Variants in PCDH11X observed in about 807,000 individuals in gnomAD.
PCDH11X encodes protocadherin-11 X-linked.
In PCDH11X, 18 loss-of-function variants were observed where a neutral mutation model predicts 53.3. The ratio of observed to expected loss-of-function variants is 0.34; its 90% CI spans 0.23 to 0.50. The LOEUF is 0.50. Among genes scored for constraint, PCDH11X ranks in the 20% least tolerant of loss-of-function variants. PCDH11X has a pLI of 0.98. For synonymous variants in PCDH11X, 279 were observed against 393.3 expected (o/e 0.71, Z 3.44); for missense variants, 570 against 1,032.4 (o/e 0.55, Z 6.14).
chrX:91,825,460 T>G (rs1341885759), intron 4 of PCDH11X, among the ~76,000 whole-genome samples: 1 of 111,776 alleles, frequency 8.9e-6, no homozygotes, highest in African/African-American at 3.3e-5. Flanking sequence ...CGTCACCCCT[T>G]TCTTTGATTA....
chrX:92,275,317 A>G (rs191596042), intron 8 of PCDH11X, among the ~76,000 whole-genome samples: 2 of 101,936 alleles, frequency 2.0e-5, no homozygotes, highest in African/African-American at 6.9e-5. Flanking sequence ...TGGGAGATTA[A>G]TTGGACATGA....
chrX:92,092,035 T>G (rs1285131798), intron 6 of PCDH11X, among the ~76,000 whole-genome samples: 1 of 111,468 alleles, frequency 9.0e-6, no homozygotes, highest in Non-Finnish European at 1.9e-5. Context: ...AATTTCTTCC[T>G]TGTTATTCCC....
chrX:92,260,643 C>T (rs184421952), intron 7 of PCDH11X, among the ~76,000 whole-genome samples: 87 of 110,913 alleles, frequency 7.8e-4, no homozygotes, highest in Non-Finnish European at 1.5e-3. Flanking sequence ...TTTGGGGCAA[C>T]TATCAGTGGA....
chrX:92,173,416 T>A (rs1050313995), intron 6 of PCDH11X, among the ~76,000 whole-genome samples: 4 of 111,567 alleles, frequency 3.6e-5, no homozygotes, highest in Non-Finnish European at 5.6e-5. Flanking sequence ...TTGCTTTAAA[T>A]TTTTTCTGGT....
intron 9 of PCDH11X, among the ~76,000 whole-genome samples, chrX:92,461,463 G>C (rs2073042565): frequency 8.9e-6 from 1 of 111,812 alleles, no homozygotes. Flanking sequence ...GAGGAAAAGA[G>C]AGTCTCTTCA....
chrX:92,034,023 A>C (rs2063091978), intron 6 of PCDH11X, among the ~76,000 whole-genome samples: 1 of 109,955 alleles, frequency 9.1e-6, no homozygotes, highest in South Asian at 3.9e-4. Context: ...CTGGTAATTC[A>C]GCATTTTATT....
chrX:91,877,466 G>C lies in PCDH11X; in HGVS notation c.1226G>C (p.Arg409Thr). ...GATCATGAAATCCCTTTCAGATTAA[G>C]GCCAGTATTCAGTAATCAGTTCCTC... The part of the protein sequence containing the change: ...FTDHEIPFRL[R>T]PVFSNQFLLE... The change falls in exon 6 of 11, where the codon AGG becomes ACG. Residue 409 changes from arginine (R) to threonine (T), a missense_variant. Arg to Thr is a moderately conservative substitution (Grantham distance 71). Coordinates refer to ENST00000682573, the MANE Select transcript of PCDH11X (RefSeq NM_032968.5). 8.3e-7 allele frequency: 1 copy of C among 1,211,463 alleles called. No individual in the cohort carries two copies. Among genetic ancestry groups the C allele is most frequent in the Non-Finnish European group, 1.1e-6 (1 of 895,403 alleles).
intron 6 of PCDH11X, among the ~76,000 whole-genome samples, chrX:92,056,797 T>G (rs1168342723): frequency 1.3e-4 from 14 of 111,324 alleles, no homozygotes; most frequent in Non-Finnish European, 2.6e-4. Context: ...AATCTGTTTT[T>G]TACTTAAAAA....
intron 8 of PCDH11X, among the ~76,000 whole-genome samples, chrX:92,275,877 C>G (rs1381607850): frequency 1.8e-5 from 2 of 109,644 alleles, no homozygotes; most frequent in East Asian, 2.9e-4. Context: ...TGATCAGTCC[C>G]GAAGGAAGGA....
intron 10 of PCDH11X, among the ~76,000 whole-genome samples, chrX:92,476,288 G>C (rs933582954): frequency 3.6e-5 from 4 of 111,812 alleles, no homozygotes; most frequent in Non-Finnish European, 7.5e-5. Flanking sequence ...ACCTAGTCTC[G>C]TGTGTGTCTT....
chrX:92,364,422 G>T (rs1171483110), intron 8 of PCDH11X, among the ~76,000 whole-genome samples: 1 of 110,892 alleles, frequency 9.0e-6, no homozygotes, highest in Non-Finnish European at 1.9e-5. Flanking sequence ...CGTAAAAATA[G>T]TACAAAAATA....
chrX:92,228,513 C>T (rs1436673804), intron 7 of PCDH11X, among the ~76,000 whole-genome samples: 1 of 111,115 alleles, frequency 9.0e-6, no homozygotes, highest in East Asian at 2.8e-4. Flanking sequence ...AACGTATGGG[C>T]TTTGGAAACA....
intron 7 of PCDH11X, among the ~76,000 whole-genome samples, chrX:92,201,977 C>T (rs915673169): frequency 9.0e-6 from 1 of 111,126 alleles, no homozygotes; most frequent in African/African-American, 3.3e-5. Flanking sequence ...GAGACCAATG[C>T]AAGTTTTAGA....
At chrX:92,266,526 A>C (rs947862407) in intron 8 of PCDH11X, among the ~76,000 whole-genome samples, 6 of 111,732 alleles carry the variant, frequency 5.4e-5, no homozygotes, top group Non-Finnish European at 1.9e-5. Flanking sequence ...TTTAAGTTAC[A>C]AAGATAGACA....
intron 4 of PCDH11X, among the ~76,000 whole-genome samples, chrX:91,824,482 C>T (rs1217825725): frequency 2.7e-5 from 3 of 111,326 alleles, no homozygotes; most frequent in African/African-American, 9.8e-5. Flanking sequence ...CCTGAGGCTT[C>T]TGCATTCTTC....
intron 10 of PCDH11X, among the ~76,000 whole-genome samples, chrX:92,479,729 G>T (rs1290194033): frequency 3.7e-5 from 4 of 106,860 alleles, no homozygotes; most frequent in Non-Finnish European, 7.7e-5. Flanking sequence ...TCTGCTGTTT[G>T]TATGATGGGG....
intron 6 of PCDH11X, among the ~76,000 whole-genome samples, chrX:92,164,278 A>G (rs761420633): frequency 8.9e-6 from 1 of 112,006 alleles, no homozygotes; most frequent in South Asian, 3.7e-4. Context: ...TTTATTGTTG[A>G]GTCAGATGTT....
intron 8 of PCDH11X, among the ~76,000 whole-genome samples, chrX:92,360,731 A>C (rs1007094587): frequency 2.7e-5 from 3 of 110,778 alleles, no homozygotes; most frequent in African/African-American, 9.8e-5. Flanking sequence ...CTTAGTGTCT[A>C]TATGCTGCAG....
chrX:91,911,669 G>A (rs897419888), intron 6 of PCDH11X, among the ~76,000 whole-genome samples: 1 of 110,916 alleles, frequency 9.0e-6, no homozygotes, highest in Admixed American at 9.6e-5. Flanking sequence ...CTAGCTCCAT[G>A]AGTTCAATTG....
Sources: gnomAD v4.1 joint callset for allele counts (sites outside exome capture counted in the v4.1 genomes callset) on GRCh38, gnomAD v4.1.1 for gene constraint, MANE v1.5 for transcripts, NCBI Gene and HGNC (gene_info 2026-07-23, HGNC 2026-07-21) for gene names.